HNF4A: variants seen among roughly 807,000 people sequenced by gnomAD.
The protein encoded by HNF4A is hepatocyte nuclear factor 4 alpha, also known as hepatocyte nuclear factor 4-alpha.
Under a neutral mutation model 52.4 loss-of-function variants are expected in HNF4A, and 15 were observed. The ratio of observed to expected loss-of-function variants is 0.29; its 90% CI spans 0.19 to 0.44. HNF4A has a LOEUF of 0.44. Among genes scored for constraint, HNF4A ranks in the 20% least tolerant of loss-of-function variants. The probability of loss-of-function intolerance (pLI) is 1.00; values close to 1 mark genes in which losing one functional copy is unlikely to be tolerated. For missense variants in HNF4A, 479 were observed against 647.2 expected (o/e 0.74, Z 2.82); for synonymous variants, 280 against 264.4 (o/e 1.06, Z -0.57).
chr20:44,358,304 C>T (rs190188693), intron 1 of HNF4A, among the ~76,000 whole-genome samples: 3 of 151,480 alleles, frequency 2.0e-5, no homozygotes, highest in East Asian at 1.9e-4. Context: ...ACAAGTGCTC[C>T]GAGGAAACAA....
chr20:44,394,044 T>C (rs1380689639), intron 1 of HNF4A, among the ~76,000 whole-genome samples: 2 of 152,164 alleles, frequency 1.3e-5, no homozygotes, highest in Non-Finnish European at 2.9e-5. Flanking sequence ...CGGTTTGCAG[T>C]GCCTGGCTGC....
upstream of HNF4A, among the ~76,000 whole-genome samples, chr20:44,398,488 G>A (rs1381636203): frequency 6.6e-6 from 1 of 152,174 alleles, no homozygotes; most frequent in African/African-American, 2.4e-5. Context: ...TCTTATAGGT[G>A]GTGCGTCATT....
intron 1 of HNF4A, among the ~76,000 whole-genome samples, chr20:44,383,574 G>A (rs1279336922): frequency 2.3e-4 from 33 of 144,200 alleles, no homozygotes; most frequent in South Asian, 6.8e-4. Flanking sequence ...TTTTAAATAC[G>A]GAGTCTCAAC....
At chr20:44,408,810 A>G (rs1048254608) in intron 3 of HNF4A, among the ~76,000 whole-genome samples, 1 of 152,070 alleles carries the variant, frequency 6.6e-6, no homozygotes, top group Non-Finnish European at 1.5e-5. Flanking sequence ...CTCTGCGACT[A>G]GTCCCAGACC....
intron 1 of HNF4A, among the ~76,000 whole-genome samples, chr20:44,380,032 C>T (rs746156203): frequency 1.6e-4 from 24 of 151,534 alleles, no homozygotes; most frequent in Non-Finnish European, 2.9e-4. Context: ...GTGCCTGGCC[C>T]ACACCCAGAT....
chr20:44,421,988 T>C (rs2063752926), intron 7 of HNF4A, among the ~76,000 whole-genome samples: 1 of 151,700 alleles, frequency 6.6e-6, no homozygotes, highest in East Asian at 1.9e-4. Context: ...TTATGTGGAT[T>C]GTCTTACTTA....
At chr20:44,358,186 C>G (rs750624113) in intron 1 of HNF4A, among the ~76,000 whole-genome samples, 5 of 149,276 alleles carry the variant, frequency 3.3e-5, no homozygotes, top group Non-Finnish European at 5.9e-5. Context: ...ATCATTACCC[C>G]TCTCTGAGCT....
chr20:44,405,170 T>C (rs142525765), intron 1 of HNF4A, among the ~76,000 whole-genome samples: 1,657 of 152,128 alleles, frequency 0.011, 16 homozygotes, highest in Non-Finnish European at 0.016. Context: ...GGCTGACCCA[T>C]TGCATTTGTC....
At chr20:44,358,836 C>A (rs1236528280) in intron 1 of HNF4A, among the ~76,000 whole-genome samples, 1 of 152,008 alleles carries the variant, frequency 6.6e-6, no homozygotes, top group African/African-American at 2.4e-5. Flanking sequence ...AGTCCTGGGT[C>A]CAGAGCAAGC....
chr20:44,428,993 A>G (rs2063844324), intron 9 of HNF4A, among the ~76,000 whole-genome samples: 1 of 152,254 alleles, frequency 6.6e-6, no homozygotes, highest in Non-Finnish European at 1.5e-5. Flanking sequence ...TTTTACTGAC[A>G]TTGTTCTCAG....
At chr20:44,365,648 T>G (rs1485750525) in intron 1 of HNF4A, among the ~76,000 whole-genome samples, 1 of 152,148 alleles carries the variant, frequency 6.6e-6, no homozygotes, top group East Asian at 1.9e-4. Context: ...AGTAAAATAT[T>G]GGAGAAAATG....
chr20:44,420,016 A>G (rs2063722261), intron 7 of HNF4A, 140 bp downstream of exon 7: 2 of 871,172 alleles, frequency 2.3e-6, no homozygotes, highest in Admixed American at 1.8e-5. Context: ...TTCATTTAAC[A>G]GATGAGGCAA....
chr20:44,421,162 T>C (rs1448370873), intron 7 of HNF4A, among the ~76,000 whole-genome samples: 2 of 152,218 alleles, frequency 1.3e-5, no homozygotes, highest in Non-Finnish European at 2.9e-5. Flanking sequence ...TTTCTTGTTC[T>C]ATCAACTGTA....
At chr20:44,416,094 CA>C (rs1326298630) in intron 5 of HNF4A, among the ~76,000 whole-genome samples, 1 of 152,140 alleles carries the variant, frequency 6.6e-6, no homozygotes, top group Admixed American at 6.5e-5. Context: ...GATGGGTGGC[CA>C]ATAACACAGG....
rs2063867467 is a variant in HNF4A at position 44,430,635 on chromosome 20, A to C, written c.*970A>C. ...TGTGGGAGAGGGATGATGAAGAGAG[A>C]GAGGGCCTGCTGGAGAGCATAGGGT... On this transcript the variant is annotated 3_prime_UTR_variant, in exon 10 of 10. Transcript: ENST00000316099. 6.6e-6 allele frequency: 1 copy of C among 152,574 alleles called. No homozygotes were observed. Among genetic ancestry groups the C allele is most frequent in the Non-Finnish European group, 1.5e-5 (1 of 68,274 alleles). 9.5% of individuals were successfully genotyped at this position (152,574 alleles called of 1,614,324 possible). A position where few individuals can be genotyped will look rare whatever the true frequency, so the allele number is the denominator to read the frequency against.
intron 5 of HNF4A, among the ~76,000 whole-genome samples, chr20:44,415,041 G>A (rs934730424): frequency 3.3e-5 from 5 of 152,182 alleles, no homozygotes; most frequent in African/African-American, 9.6e-5. Context: ...CCAGGGGGAT[G>A]TTGACAGGGA....
intron 1 of HNF4A, among the ~76,000 whole-genome samples, chr20:44,358,401 G>T (rs1186212581): frequency 6.6e-6 from 1 of 152,126 alleles, no homozygotes; most frequent in Non-Finnish European, 1.5e-5. Flanking sequence ...CTTGAGATTA[G>T]GAGTTCGAGA....
chr20:44,407,184 T>C (rs2146374122), intron 2 of HNF4A, among the ~76,000 whole-genome samples, 197 bp from the exon 3 acceptor site: 1 of 152,272 alleles, frequency 6.6e-6, no homozygotes, highest in African/African-American at 2.4e-5. Context: ...AGTTTTCCCA[T>C]GTTTAGCAGG....
intron 1 of HNF4A, among the ~76,000 whole-genome samples, chr20:44,372,188 AC>A: frequency 6.6e-6 from 1 of 152,200 alleles, no homozygotes; most frequent in East Asian, 1.9e-4. Context: ...TCATAGATTT[AC>A]CATGTTTTTA....
Sources: gnomAD v4.1 joint callset for allele counts (sites outside exome capture counted in the v4.1 genomes callset) on GRCh38, gnomAD v4.1.1 for gene constraint, MANE v1.5 for transcripts, NCBI Gene and HGNC (gene_info 2026-07-23, HGNC 2026-07-21) for gene names.